The following ARHGAP29 variants were observed in gnomAD, a reference collection of about 807,000 sequenced individuals.
ARHGAP29 encodes the protein Rho GTPase activating protein 29.
In ARHGAP29, 43 loss-of-function variants were observed where a neutral mutation model predicts 122.6. The ratio of observed to expected loss-of-function variants is 0.35; its 90% CI spans 0.27 to 0.45. ARHGAP29 has a LOEUF of 0.45. Ranked by LOEUF, ARHGAP29 falls within the 20% of genes least tolerant of loss-of-function variation. The pLI is 1.00. For synonymous variants in ARHGAP29, 506 were observed against 497.1 expected (o/e 1.02, Z -0.24); for missense variants, 1,303 against 1,477.2 (o/e 0.88, Z 1.93).
chr1:94,312,209 C>T, the ARHGAP29 span, among the ~76,000 whole-genome samples: 224 of 152,270 alleles, frequency 1.5e-3, 1 homozygote, highest in Admixed American at 2.5e-3. Flanking sequence ...CCCCATCCTT[C>T]CACATCCCCC....
the ARHGAP29 span, among the ~76,000 whole-genome samples, chr1:94,294,141 AAGG>A: frequency 6.6e-6 from 1 of 152,208 alleles, no homozygotes; most frequent in African/African-American, 2.4e-5. Flanking sequence ...CTGTTCAATA[AAGG>A]AGAAGGATTT....
In ARHGAP29 at chr1:94,171,202, C is replaced by G. The variant is rs141380301; in HGVS notation, c.*2667G>C. Among the ~76,000 whole-genome samples, 1 of 152,268 alleles carries G rather than the reference C, an allele frequency of 6.6e-6. No homozygotes were observed. Among genetic ancestry groups the G allele is most frequent in the East Asian group, 1.9e-4 (1 of 5,184 alleles). ...TACCATCTTTAAATCACCCAAATAA[C>G]TGAGGTACAATTCTATCTGCTTGTG... is the stretch of plus-strand genomic sequence containing the variant. On this transcript the variant is annotated 3_prime_UTR_variant, in exon 23 of 23. Transcript: ENST00000260526.
chr1:94,195,640 A>G (rs1309515190), intron 12 of ARHGAP29: 1 of 152,168 alleles, frequency 6.6e-6, no homozygotes, highest in Non-Finnish European at 1.5e-5. Context: ...AAAATGATAA[A>G]ACTAAATCTG....
At chr1:94,248,866 C>G (rs937696841) in intron 1 of ARHGAP29, among the ~76,000 whole-genome samples, 2 of 142,082 alleles carry the variant, frequency 1.4e-5, no homozygotes, top group South Asian at 4.2e-4. Context: ...CCACACCCAG[C>G]TAGCTCTGTT....
At chr1:94,279,338 C>T (rs1655280415), upstream of ARHGAP29, among the ~76,000 whole-genome samples, 1 of 152,184 alleles carries the variant, frequency 6.6e-6, no homozygotes, top group Non-Finnish European at 1.5e-5. Context: ...CTGGAATGCC[C>T]TGCCTCTCTT....
intron 1 of ARHGAP29, among the ~76,000 whole-genome samples, chr1:94,231,887 T>C (rs373539752): frequency 1.5e-3 from 233 of 152,316 alleles, no homozygotes; most frequent in African/African-American, 5.0e-3. Context: ...TACTGTTCTT[T>C]ACATTTCACA....
rs1428985966 is a variant in ARHGAP29, at chr1:94,169,712, T to G, written c.*4157A>C. 6.6e-6 allele frequency among the ~76,000 whole-genome samples: 1 copy of G among 152,112 alleles called. No homozygotes were observed. The highest frequency in any genetic ancestry group is 1.5e-5 in the Non-Finnish European group (1 of 68,020). The stretch of plus-strand genomic sequence containing the variant: ...TTCATTTCCATATACCATTTCCCAT[T>G]TAAAGAAACCAGGGCTCCTTGGAAA... On this transcript the variant is annotated 3_prime_UTR_variant, in exon 23 of 23. Coordinates refer to ENST00000260526, the MANE Select transcript of ARHGAP29 (RefSeq NM_004815.4).
At chr1:94,221,231 G>A (rs932102525) in intron 2 of ARHGAP29, among the ~76,000 whole-genome samples, 1 of 152,242 alleles carries the variant, frequency 6.6e-6, no homozygotes, top group South Asian at 2.1e-4. Context: ...TTCATCCCAA[G>A]TAAATCAGAA....
At chr1:94,265,982 C>T (rs998568169) in intron 1 of ARHGAP29, among the ~76,000 whole-genome samples, 1 of 152,186 alleles carries the variant, frequency 6.6e-6, no homozygotes, top group Admixed American at 6.5e-5. Flanking sequence ...ATAGAACAAG[C>T]ATGTGATGCA....
chr1:94,237,060 A>G (rs1289398360), intron 1 of ARHGAP29, among the ~76,000 whole-genome samples: 1 of 152,178 alleles, frequency 6.6e-6, no homozygotes, highest in Non-Finnish European at 1.5e-5. Flanking sequence ...TCTGAACATT[A>G]AAAGAGTTAA....
chr1:94,232,205 A>G (rs1652958989), intron 1 of ARHGAP29, among the ~76,000 whole-genome samples: 1 of 152,126 alleles, frequency 6.6e-6, no homozygotes, highest in African/African-American at 2.4e-5. Flanking sequence ...TCATCTCTTT[A>G]CTTCAGTATG....
intron 2 of ARHGAP29, among the ~76,000 whole-genome samples, chr1:94,229,192 A>T (rs1474988470): frequency 6.6e-6 from 1 of 151,832 alleles, no homozygotes; most frequent in African/African-American, 2.4e-5. Context: ...GATATTTCTC[A>T]ATACCCAGAG....
At chr1:94,220,647 T>C (rs1366725525) in intron 2 of ARHGAP29, among the ~76,000 whole-genome samples, 4 of 152,138 alleles carry the variant, frequency 2.6e-5, no homozygotes, top group Non-Finnish European at 5.9e-5. Flanking sequence ...CATTTTTCAG[T>C]TTTCTCAATC....
At position 94,237,304 on chromosome 1, in the gene ARHGAP29, C is replaced by T. The variant is rs576408012; in HGVS notation, c.-33+111G>A. The T allele has an allele frequency of 6.7e-3, 5,192 of 773,416 alleles. 33 individuals carry two copies. The highest frequency in any genetic ancestry group is 7.6e-3 in the Non-Finnish European group (4,844 of 636,012). The allele number at this position is 773,416 out of a possible 1,614,324, so 47.9% of individuals were successfully genotyped here. On this transcript the variant is annotated intron_variant, in intron 1 of 22. Coordinates refer to ENST00000260526, the MANE Select transcript of ARHGAP29 (RefSeq NM_004815.4). ...TGCCACCGCTTCCACTCGGGGCCGC[C>T]CCGCGGGCCTCCCGGACCCTGGACG...
chr1:94,198,239 G>A (rs1039665050), intron 12 of ARHGAP29, among the ~76,000 whole-genome samples: 5 of 152,124 alleles, frequency 3.3e-5, no homozygotes, highest in Non-Finnish European at 7.4e-5. Flanking sequence ...ACTCTGGGGG[G>A]CCAAGGTGGG....
intron 12 of ARHGAP29, among the ~76,000 whole-genome samples, chr1:94,197,983 CTTAG>C (rs759077657): frequency 6.6e-6 from 1 of 152,062 alleles, no homozygotes; most frequent in African/African-American, 2.4e-5. Flanking sequence ...TACTAGAAGC[CTTAG>C]TTAGGACAAT....
intron 1 of ARHGAP29, among the ~76,000 whole-genome samples, chr1:94,270,235 G>T (rs933942264): frequency 6.6e-6 from 1 of 152,180 alleles, no homozygotes; most frequent in Non-Finnish European, 1.5e-5. Context: ...CTTCAATAAA[G>T]TTTTTGGGGT....
chr1:94,199,498 TAG>T (rs1301318859), intron 12 of ARHGAP29, among the ~76,000 whole-genome samples: 1 of 152,234 alleles, frequency 6.6e-6, no homozygotes, highest in Non-Finnish European at 1.5e-5. Context: ...AGCTAATTCC[TAG>T]AGATAGCCAA....
chr1:94,201,512 CT>C (rs1453901767), intron 12 of ARHGAP29, among the ~76,000 whole-genome samples: 42 of 1,682 alleles, frequency 0.025, no homozygotes, highest in African/African-American at 0.03. Flanking sequence ...TTCCTTCTCT[CT>C]CTCTCTCTCT....
Sources: gnomAD v4.1 joint callset for allele counts (sites outside exome capture counted in the v4.1 genomes callset) on GRCh38, gnomAD v4.1.1 for gene constraint, MANE v1.5 for transcripts, NCBI Gene and HGNC (gene_info 2026-07-23, HGNC 2026-07-21) for gene names.